OR1J2: variants seen among roughly 807,000 people sequenced by gnomAD.
OR1J2 encodes the protein olfactory receptor 1J2.
For synonymous variants in OR1J2, 142 were observed against 99.7 expected, an observed-to-expected ratio of 1.42 and a Z score of -2.52; for missense variants, 304 against 246.1, an observed-to-expected ratio of 1.24 and a Z score of -1.57.
the OR1J2 span, among the ~76,000 whole-genome samples, chr9:122,489,432 T>C: frequency 1.3e-5 from 2 of 151,668 alleles, no homozygotes; most frequent in South Asian, 2.1e-4. Flanking sequence ...GGCTCCAGAG[T>C]CGGCCACTTG....
the OR1J2 span, among the ~76,000 whole-genome samples, chr9:122,451,216 G>A: frequency 6.2e-5 from 9 of 145,538 alleles, no homozygotes; most frequent in East Asian, 2.0e-4. Flanking sequence ...ATGGAGTTTC[G>A]CTCTTGTTAC....
At chr9:122,513,774 T>C (rs1436979177), downstream of OR1J2, among the ~76,000 whole-genome samples, 1 of 152,080 alleles carries the variant, frequency 6.6e-6, no homozygotes. Context: ...CTCCCACTTA[T>C]GATTCACAAG....
chr9:122,492,006 T>C, the OR1J2 span, among the ~76,000 whole-genome samples: 2 of 152,194 alleles, frequency 1.3e-5, no homozygotes, highest in Non-Finnish European at 2.9e-5. Context: ...ATTTTTTCTT[T>C]TTTAACTTTT....
the OR1J2 span, among the ~76,000 whole-genome samples, chr9:122,502,844 C>G: frequency 6.6e-6 from 1 of 152,088 alleles, no homozygotes; most frequent in African/African-American, 2.4e-5. Flanking sequence ...AACATAAATG[C>G]CTCCAAGACA....
chr9:122,547,620 A>T, the OR1J2 span, among the ~76,000 whole-genome samples: 3 of 142,986 alleles, frequency 2.1e-5, no homozygotes, highest in South Asian at 2.3e-4. Flanking sequence ...GTAGTAGTTC[A>T]GTGTGTGTGT....
chr9:122,450,356 G>A, the OR1J2 span, among the ~76,000 whole-genome samples: 835 of 152,226 alleles, frequency 5.5e-3, 5 homozygotes, highest in Non-Finnish European at 8.2e-3. Context: ...ACTTGAACCT[G>A]GAAGGTGGAG....
At chr9:122,506,602 G>A (rs1341093980), upstream of OR1J2, among the ~76,000 whole-genome samples, 1 of 152,152 alleles carries the variant, frequency 6.6e-6, no homozygotes, top group Non-Finnish European at 1.5e-5. Flanking sequence ...TGCAGGGAAG[G>A]TAAGCACTGG....
upstream of OR1J2, among the ~76,000 whole-genome samples, chr9:122,506,911 A>C (rs78655207): frequency 0.034 from 5,126 of 152,264 alleles, 258 homozygotes; most frequent in African/African-American, 0.12. Flanking sequence ...CTGAACAGCA[A>C]AGAATCCAAG....
chr9:122,555,818 C>T, the OR1J2 span, among the ~76,000 whole-genome samples: 26 of 152,198 alleles, frequency 1.7e-4, no homozygotes, highest in African/African-American at 6.0e-4. Context: ...CACAATCTCC[C>T]GAACTAATCC....
chr9:122,519,030 A>C, the OR1J2 span: 6 of 723,396 alleles, frequency 8.3e-6, no homozygotes, highest in Non-Finnish European at 1.4e-5. Flanking sequence ...AGACATTGGC[A>C]TATTCATCAG....
At chr9:122,460,040 C>T in the OR1J2 span, among the ~76,000 whole-genome samples, 2 of 152,026 alleles carry the variant, frequency 1.3e-5, no homozygotes, top group African/African-American at 2.4e-5. Context: ...TGACAACATA[C>T]GATGTTTGGT....
the OR1J2 span, among the ~76,000 whole-genome samples, chr9:122,470,072 A>G: frequency 6.6e-6 from 1 of 152,248 alleles, no homozygotes; most frequent in Non-Finnish European, 1.5e-5. Flanking sequence ...AGCTGGCTGC[A>G]GATACTTGCA....
the OR1J2 span, chr9:122,519,628 T>C: frequency 1.2e-6 from 2 of 1,614,180 alleles, no homozygotes. Flanking sequence ...ACTCTCCTCC[T>C]GGCCCAGCTG....
the OR1J2 span, among the ~76,000 whole-genome samples, chr9:122,535,550 G>A: frequency 2.0e-5 from 3 of 152,140 alleles, no homozygotes; most frequent in Non-Finnish European, 4.4e-5. Flanking sequence ...GGAGAAAGAG[G>A]TTAAGGGATA....
chr9:122,528,493 T>C, the OR1J2 span, among the ~76,000 whole-genome samples: 1 of 152,088 alleles, frequency 6.6e-6, no homozygotes, highest in African/African-American at 2.4e-5. Context: ...AGCTACTTGG[T>C]AGGCTGAGGC....
At chr9:122,554,511 G>A in the OR1J2 span, among the ~76,000 whole-genome samples, 1 of 152,204 alleles carries the variant, frequency 6.6e-6, no homozygotes, top group Non-Finnish European at 1.5e-5. Flanking sequence ...ATGGGATGAG[G>A]TGAAGGAAGG....
At chr9:122,573,042 T>G in the OR1J2 span, 1 of 152,258 alleles carries the variant, frequency 6.6e-6, no homozygotes, top group Non-Finnish European at 1.5e-5. Flanking sequence ...GCTGCACATC[T>G]CAGAAGGCAG....
At chr9:122,570,621 C>A in the OR1J2 span, among the ~76,000 whole-genome samples, 1 of 152,170 alleles carries the variant, frequency 6.6e-6, no homozygotes, top group Non-Finnish European at 1.5e-5. Context: ...ACATTCAGGA[C>A]AAGCTGTTCC....
At chr9:122,482,058 CAACT>C in the OR1J2 span, among the ~76,000 whole-genome samples, 400 of 152,060 alleles carry the variant, frequency 2.6e-3, 3 homozygotes, top group Middle Eastern at 0.017. Context: ...AAGAAACAAC[CAACT>C]GAGTGAAAAG....
Sources: gnomAD v4.1 joint callset for allele counts (sites outside exome capture counted in the v4.1 genomes callset) on GRCh38, gnomAD v4.1.1 for gene constraint, MANE v1.5 for transcripts, NCBI Gene and HGNC (gene_info 2026-07-23, HGNC 2026-07-21) for gene names.